EFCAB11: variants seen among roughly 807,000 people sequenced by gnomAD.
The protein encoded by EFCAB11 is EF-hand calcium-binding domain-containing protein 11.
In EFCAB11, 14 loss-of-function variants were observed where a neutral mutation model predicts 23.0. The observed-to-expected ratio is 0.61, with a 90% CI of 0.40 to 0.95. The LOEUF (loss-of-function observed/expected upper bound fraction) is 0.95, where lower values mean the gene tolerates loss of function less well. Among genes scored for constraint, EFCAB11 ranks in the 40% least tolerant of loss-of-function variants. The pLI is 0.00. For missense variants in EFCAB11, 198 were observed against 195.8 expected (o/e 1.01, Z -0.07); for synonymous variants, 65 against 66.6 (o/e 0.98, Z 0.11).
At chr14:89,902,273 C>G (rs189437989) in intron 5 of EFCAB11, among the ~76,000 whole-genome samples, 50 of 152,302 alleles carry the variant, frequency 3.3e-4, no homozygotes, top group African/African-American at 1.2e-3. Context: ...CCCTAACTTC[C>G]CAATTTTAAG....
chr14:89,926,115 G>A (rs540435609), intron 5 of EFCAB11, among the ~76,000 whole-genome samples: 1 of 152,116 alleles, frequency 6.6e-6, no homozygotes, highest in South Asian at 2.1e-4. Context: ...GCACCCACCC[G>A]AAAGTTTTAA....
At chr14:89,850,709 T>G (rs538771833) in intron 5 of EFCAB11, among the ~76,000 whole-genome samples, 1 of 152,328 alleles carries the variant, frequency 6.6e-6, no homozygotes, top group South Asian at 2.1e-4. Flanking sequence ...TAACCAATCT[T>G]GTCAAAATGT....
chr14:89,831,294 A>G (rs1031951886), intron 5 of EFCAB11: 6 of 152,196 alleles, frequency 3.9e-5, no homozygotes, highest in Non-Finnish European at 8.8e-5. Context: ...GGTTTTGGGG[A>G]GAAGATGAGG....
chr14:89,855,066 C>T (rs561394590), intron 5 of EFCAB11, among the ~76,000 whole-genome samples: 3 of 152,146 alleles, frequency 2.0e-5, no homozygotes, highest in Non-Finnish European at 4.4e-5. Flanking sequence ...AGGACTTTCC[C>T]TTACTTAGCA....
At chr14:89,912,862 T>C (rs1889723625) in intron 5 of EFCAB11, among the ~76,000 whole-genome samples, 1 of 152,226 alleles carries the variant, frequency 6.6e-6, no homozygotes, top group African/African-American at 2.4e-5. Context: ...GATGAATGTT[T>C]CATAGTCACT....
At chr14:89,898,053 A>G (rs1257978706) in intron 5 of EFCAB11, among the ~76,000 whole-genome samples, 4 of 152,214 alleles carry the variant, frequency 2.6e-5, no homozygotes, top group African/African-American at 4.8e-5. Flanking sequence ...AAGGAAATCT[A>G]GAAATGCACA....
Position 89,874,047 on chromosome 14 carries a change from C to T in EFCAB11, c.410+57494G>A, listed in dbSNP as rs1440247684. Among the ~76,000 whole-genome samples the T allele has an allele frequency of 2.6e-5, 4 of 152,238 alleles. No homozygotes were observed. The East Asian group carries it at 7.7e-4, about 29-fold the overall frequency. ...CTAGCAGAGGTTCTCCATGAGGGCTCTACCCCTGCAGCACACCTCTGCCTG... is the reference window on the plus strand; with the variant it reads ...CTAGCAGAGGTTCTCCATGAGGGCTTTACCCCTGCAGCACACCTCTGCCTG... On this transcript the variant is annotated intron_variant, in intron 5 of 5. Transcript: ENST00000316738.
chr14:89,871,658 C>T (rs562650558), intron 5 of EFCAB11, among the ~76,000 whole-genome samples: 48 of 152,326 alleles, frequency 3.2e-4, no homozygotes, highest in Admixed American at 5.9e-4. Context: ...TACTAATGTA[C>T]TGACCTCTCC....
chr14:89,896,877 C>T (rs998995963), intron 5 of EFCAB11, among the ~76,000 whole-genome samples: 2 of 152,084 alleles, frequency 1.3e-5, no homozygotes, highest in African/African-American at 4.8e-5. Flanking sequence ...GTATGTGCCA[C>T]CACACCTGGC....
intron 5 of EFCAB11, among the ~76,000 whole-genome samples, chr14:89,881,567 C>T (rs867119486): frequency 2.6e-4 from 39 of 149,002 alleles, no homozygotes; most frequent in Non-Finnish European, 3.4e-4. Context: ...CCTGCCTCAG[C>T]CTCCTGAGTG....
intron 5 of EFCAB11, chr14:89,924,212 T>C (rs559365264): frequency 1.9e-5 from 19 of 986,372 alleles, no homozygotes; most frequent in African/African-American, 1.4e-4. Flanking sequence ...AAAGGAGAGT[T>C]AGATGTCCTA....
chr14:89,927,972 C>T (rs1207268519), intron 5 of EFCAB11, among the ~76,000 whole-genome samples: 1 of 152,174 alleles, frequency 6.6e-6, no homozygotes, highest in South Asian at 2.1e-4. Flanking sequence ...ATCCGCCCGC[C>T]TCGGCCTCCC....
chr14:89,829,505 T>C (rs1298930511), intron 5 of EFCAB11, among the ~76,000 whole-genome samples: 1 of 152,222 alleles, frequency 6.6e-6, no homozygotes, highest in Non-Finnish European at 1.5e-5. Flanking sequence ...TAAATGTTTC[T>C]GCAAAATAAG....
chr14:89,905,066 A>G (rs1889455034), intron 5 of EFCAB11, among the ~76,000 whole-genome samples: 1 of 152,146 alleles, frequency 6.6e-6, no homozygotes, highest in South Asian at 2.1e-4. Context: ...GAAGAGAGCC[A>G]AGTCACTTTA....
chr14:89,944,567 T>A (rs182637317), intron 3 of EFCAB11, among the ~76,000 whole-genome samples: 271 of 152,230 alleles, frequency 1.8e-3, no homozygotes, highest in Non-Finnish European at 3.2e-3. Context: ...ATGTGGGAAA[T>A]CCTTTTGCCA....
At chr14:89,844,092 A>C (rs919938242) in intron 5 of EFCAB11, among the ~76,000 whole-genome samples, 24 of 152,254 alleles carry the variant, frequency 1.6e-4, no homozygotes, top group African/African-American at 5.8e-4. Context: ...ATGGTGTACC[A>C]GTAAAACAGT....
chr14:89,867,555 G>A (rs1221947244), intron 5 of EFCAB11, among the ~76,000 whole-genome samples: 3 of 152,146 alleles, frequency 2.0e-5, no homozygotes, highest in East Asian at 1.9e-4. Context: ...CAGCCCCAAC[G>A]CAACTGCCCT....
At chr14:89,931,263 T>C (rs970300984) in intron 5 of EFCAB11, 4 of 361,166 alleles carry the variant, frequency 1.1e-5, no homozygotes, top group African/African-American at 8.4e-5. Flanking sequence ...TCTGAAGAAG[T>C]TCTTTCTTCC....
chr14:89,830,811 C>T (rs1886858521), intron 5 of EFCAB11: 1 of 152,192 alleles, frequency 6.6e-6, no homozygotes, highest in Admixed American at 6.5e-5. Flanking sequence ...GTGCTATACA[C>T]TCATAATTGC....
Sources: gnomAD v4.1 joint callset for allele counts (sites outside exome capture counted in the v4.1 genomes callset) on GRCh38, gnomAD v4.1.1 for gene constraint, MANE v1.5 for transcripts, NCBI Gene and HGNC (gene_info 2026-07-23, HGNC 2026-07-21) for gene names.